The following LAMA2 variants were observed in gnomAD, a reference collection of about 807,000 sequenced individuals.
LAMA2 encodes the protein laminin subunit alpha-2.
In LAMA2, 269 loss-of-function variants were observed where a neutral mutation model predicts 364.8. The ratio of observed to expected loss-of-function variants is 0.74; its 90% confidence interval spans 0.67 to 0.82. The LOEUF is 0.82. Among genes scored for constraint, LAMA2 ranks in the 40% least tolerant of loss-of-function variants. The pLI is 0.00. For synonymous variants in LAMA2, 1,379 were observed against 1,370.6 expected, an observed-to-expected ratio of 1.01 and a Z score of -0.14; for missense variants, 3,807 against 3,873.2, an observed-to-expected ratio of 0.98 and a Z score of 0.45.
chr6:129,087,007 T>C (rs1201032772), intron 3 of LAMA2, among the ~76,000 whole-genome samples: 1 of 152,160 alleles, frequency 6.6e-6, no homozygotes, highest in South Asian at 2.1e-4. Context: ...AACCTCTTCT[T>C]TTGCCTCCCT....
At chr6:129,008,403 A>G (rs550694640) in intron 1 of LAMA2, among the ~76,000 whole-genome samples, 30 of 152,274 alleles carry the variant, frequency 2.0e-4, no homozygotes, top group Non-Finnish European at 3.5e-4. Flanking sequence ...CCCACATGCT[A>G]TTATACAAGA....
intron 4 of LAMA2, among the ~76,000 whole-genome samples, chr6:129,102,433 C>G (rs1213287198): frequency 3.3e-5 from 5 of 151,698 alleles, no homozygotes; most frequent in African/African-American, 1.2e-4. Context: ...CTGTGCCCAG[C>G]CTGGTTCATT....
intron 1 of LAMA2, among the ~76,000 whole-genome samples, chr6:129,041,203 G>T: frequency 6.6e-6 from 1 of 152,180 alleles, no homozygotes; most frequent in East Asian, 1.9e-4. Flanking sequence ...TAAGGAAGCA[G>T]CCTTCCCTGT....
chr6:129,012,695 C>A (rs962616017), intron 1 of LAMA2, among the ~76,000 whole-genome samples: 1 of 152,090 alleles, frequency 6.6e-6, no homozygotes, highest in Admixed American at 6.5e-5. Flanking sequence ...AGAATATGTT[C>A]CATTGACAAA....
At chr6:129,508,856 G>C (rs1786330979) in intron 62 of LAMA2, among the ~76,000 whole-genome samples, 1 of 152,030 alleles carries the variant, frequency 6.6e-6, no homozygotes, top group African/African-American at 2.4e-5. Context: ...ATATTCTTTT[G>C]GGTATATATC....
intron 1 of LAMA2, among the ~76,000 whole-genome samples, chr6:129,046,479 C>T (rs1787508486): frequency 6.6e-6 from 1 of 152,160 alleles, no homozygotes; most frequent in Non-Finnish European, 1.5e-5. Context: ...TATTATGAGA[C>T]TTATTTACTA....
In LAMA2 at chr6:129,098,198, T is replaced by C; in HGVS notation, c.422T>C (p.Val141Ala). 1 of 1,614,152 alleles carries C rather than the reference T, an allele frequency of 6.2e-7. No homozygotes were observed. Among genetic ancestry groups the C allele is most frequent in the East Asian group, 2.2e-5 (1 of 44,886 alleles). Residue 141 changes from valine to alanine, a missense_variant, in exon 4 of 65, where the codon GTG (valine) becomes GCG (alanine). Val to Ala is a moderately conservative substitution (Grantham distance 64, BLOSUM62 0). Transcript: ENST00000421865. ...GTGTTCCAGATCGCGTATGTGATTG[T>C]GAAGGCAGCTAACTCCCCCCGGCCT... is the stretch of plus-strand genomic sequence containing the variant. ...QQVFQIAYVI[V>A]KAANSPRPGN...
intron 35 of LAMA2, among the ~76,000 whole-genome samples, chr6:129,385,374 C>T (rs946569214): frequency 4.0e-5 from 6 of 150,846 alleles, no homozygotes; most frequent in African/African-American, 1.5e-4. Flanking sequence ...AAGGACTCAC[C>T]AAAGGCTTTA....
chr6:128,987,526 G>A (rs1783341679), intron 1 of LAMA2, among the ~76,000 whole-genome samples: 2 of 152,164 alleles, frequency 1.3e-5, no homozygotes, highest in South Asian at 2.1e-4. Flanking sequence ...TTCTTTGGGA[G>A]TAATGCCATT....
chr6:129,209,847 C>T (rs376094961), intron 12 of LAMA2, among the ~76,000 whole-genome samples: 26 of 151,604 alleles, frequency 1.7e-4, no homozygotes, highest in Non-Finnish European at 2.2e-4. Flanking sequence ...ACTAAATATA[C>T]ATAAAAATTA....
intron 16 of LAMA2, among the ~76,000 whole-genome samples, chr6:129,268,628 A>T (rs570769131): frequency 1.3e-5 from 2 of 152,192 alleles, no homozygotes; most frequent in East Asian, 3.9e-4. Flanking sequence ...AAACAGTGTC[A>T]TTCAGCATAA....
intron 1 of LAMA2, among the ~76,000 whole-genome samples, chr6:129,014,848 A>G (rs1381591107): frequency 6.6e-6 from 1 of 152,084 alleles, no homozygotes; most frequent in East Asian, 1.9e-4. Flanking sequence ...AGTGGATAAC[A>G]TGATTATAAT....
At chr6:129,095,725 A>G (rs1269342969) in intron 3 of LAMA2, among the ~76,000 whole-genome samples, 1 of 150,420 alleles carries the variant, frequency 6.6e-6, no homozygotes, top group African/African-American at 2.5e-5. Context: ...AGCCTTACCA[A>G]TATGGTGAAA....
intron 1 of LAMA2, among the ~76,000 whole-genome samples, chr6:128,979,255 T>C (rs1243577136): frequency 6.6e-6 from 1 of 152,228 alleles, no homozygotes; most frequent in Non-Finnish European, 1.5e-5. Flanking sequence ...TGACAGTATC[T>C]GGCATATCTC....
At chr6:128,918,408 A>T (rs1180086101) in intron 1 of LAMA2, among the ~76,000 whole-genome samples, 3 of 152,300 alleles carry the variant, frequency 2.0e-5, no homozygotes, top group Middle Eastern at 6.8e-3. Context: ...TTATCATAAA[A>T]ATCTACATAA....
intron 2 of LAMA2, among the ~76,000 whole-genome samples, chr6:129,054,650 T>C (rs1373699125): frequency 6.7e-6 from 1 of 149,054 alleles, no homozygotes; most frequent in Non-Finnish European, 1.5e-5. Context: ...AATATTTAAA[T>C]TAAACATGAA....
At chr6:129,004,588 A>G (rs1784325196) in intron 1 of LAMA2, among the ~76,000 whole-genome samples, 2 of 152,142 alleles carry the variant, frequency 1.3e-5, no homozygotes, top group South Asian at 2.1e-4. Context: ...ATCACAGCCT[A>G]ATGTATTGCC....
intron 1 of LAMA2, among the ~76,000 whole-genome samples, chr6:128,934,113 A>G (rs973776342): frequency 3.9e-5 from 6 of 152,306 alleles, no homozygotes; most frequent in Admixed American, 6.5e-5. Context: ...TGATTTTTGT[A>G]TATGGAATAA....
intron 55 of LAMA2, among the ~76,000 whole-genome samples, chr6:129,482,823 G>T (rs1784411071): frequency 6.6e-6 from 1 of 152,136 alleles, no homozygotes; most frequent in Non-Finnish European, 1.5e-5. Context: ...CACTTTGGGA[G>T]GCCAAGGTGG....
Sources: gnomAD v4.1 joint callset for allele counts (sites outside exome capture counted in the v4.1 genomes callset) on GRCh38, gnomAD v4.1.1 for gene constraint, MANE v1.5 for transcripts, NCBI Gene and HGNC (gene_info 2026-07-23, HGNC 2026-07-21) for gene names.